CLEC16A: variants seen among roughly 807,000 people sequenced by gnomAD.
CLEC16A encodes C-type lectin domain containing 16A.
A neutral mutation model predicts 109.5 loss-of-function variants in CLEC16A; 51 were observed. That is an observed-to-expected ratio of 0.47 (90% CI 0.37 to 0.59). CLEC16A has a LOEUF of 0.59. CLEC16A is among the 20% of genes least tolerant of loss of function. The pLI, the probability that CLEC16A is intolerant of heterozygous loss-of-function variation, is 0.00. For missense variants in CLEC16A, 1,339 were observed against 1,394.0 expected, an observed-to-expected ratio of 0.96 and a Z score of 0.63; for synonymous variants, 673 against 564.2, an observed-to-expected ratio of 1.19 and a Z score of -2.73.
intron 13 of CLEC16A, chr16:11,027,413 G>T: frequency 6.9e-7 from 1 of 1,453,042 alleles, no homozygotes; most frequent in South Asian, 1.1e-5. Context: ...ATCTACAAAT[G>T]CTGCGTATAG....
At chr16:11,120,582 T>A (rs2052331041) in intron 19 of CLEC16A, 33 bp from the exon 20 acceptor site, 1 of 1,585,084 alleles carries the variant, frequency 6.3e-7, no homozygotes, top group African/African-American at 1.3e-5. Context: ...AGCCAGACTG[T>A]GCCTCATTCT....
chr16:11,079,979 C>G (rs1024701769), intron 19 of CLEC16A, among the ~76,000 whole-genome samples: 10 of 152,224 alleles, frequency 6.6e-5, no homozygotes, highest in African/African-American at 2.4e-4. Context: ...CCTGAGGTCT[C>G]CCAGGGCCCC....
At chr16:10,983,630 C>G (rs1421300717) in intron 10 of CLEC16A, among the ~76,000 whole-genome samples, 2 of 152,152 alleles carry the variant, frequency 1.3e-5, no homozygotes, top group Non-Finnish European at 2.9e-5. Flanking sequence ...GGGAAAACAC[C>G]TGATGGCCAG....
At chr16:11,008,099 G>T (rs1005702075) in intron 11 of CLEC16A, among the ~76,000 whole-genome samples, 2 of 152,224 alleles carry the variant, frequency 1.3e-5, no homozygotes, top group African/African-American at 2.4e-5. Flanking sequence ...GTCAGGGGCT[G>T]TTTGCTTCTT....
intron 15 of CLEC16A, 148 bp downstream of exon 15, chr16:11,042,511 C>T (rs1421238510): frequency 1.8e-6 from 1 of 559,608 alleles, no homozygotes; most frequent in Non-Finnish European, 3.2e-6. Flanking sequence ...TCTTGAGACC[C>T]CACTCCAACC....
rs940558560 is a variant in CLEC16A at position 11,174,302 on chromosome 16, G to A, written c.2807-4033G>A. On this transcript the variant is annotated intron_variant, in intron 23 of 23. Coordinates refer to ENST00000409790, the MANE Select transcript of CLEC16A (RefSeq NM_015226.3). The surrounding 1 kb of genome is among the most constrained non-coding windows in gnomAD (Gnocchi z 4.7). ...GGCAGGTCTCCCCTGTGAGCCGCTC[G>A]GGCCGCGACGTCCACTCGCCACGCT... The A allele has an allele frequency of 6.8e-6, 3 of 443,730 alleles. No individual in the cohort carries two copies. Among genetic ancestry groups the A allele is most frequent in the South Asian group, 1.6e-5 (1 of 63,882 alleles). 27.5% of individuals were successfully genotyped at this position (443,730 alleles called of 1,614,324 possible). A position where few individuals can be genotyped will look rare whatever the true frequency, so the allele number is the denominator to read the frequency against.
chr16:11,062,794 G>A (rs2048553930), intron 19 of CLEC16A, among the ~76,000 whole-genome samples: 1 of 151,692 alleles, frequency 6.6e-6, no homozygotes, highest in South Asian at 2.1e-4. Flanking sequence ...AATGGCCACA[G>A]GAATTTCTCT....
intron 18 of CLEC16A, among the ~76,000 whole-genome samples, chr16:11,060,403 C>G (rs1240218997): frequency 6.6e-6 from 1 of 152,344 alleles, no homozygotes; most frequent in African/African-American, 2.4e-5. Context: ...TTCTGTCTGC[C>G]CCACCCCCGT....
intron 14 of CLEC16A, 154 bp from the exon 15 acceptor site, chr16:11,042,100 T>TGG: frequency 1.7e-6 from 1 of 600,144 alleles, no homozygotes; most frequent in South Asian, 2.0e-5. Flanking sequence ...GGTTTGGGCA[T>TGG]GGGGGGTTCC....
At chr16:11,009,986 T>G (rs1183858532) in intron 11 of CLEC16A, among the ~76,000 whole-genome samples, 1 of 152,032 alleles carries the variant, frequency 6.6e-6, no homozygotes, top group Non-Finnish European at 1.5e-5. Flanking sequence ...GACCCCTGTC[T>G]GTACAAAAAA....
Position 10,983,003 on chromosome 16 carries a change from G to A in CLEC16A, c.1071+12G>A, listed in dbSNP as rs746709250. On this transcript the variant is annotated intron_variant, in intron 10 of 23. Transcript: ENST00000409790. Reference sequence around the variant, plus strand: ...TTCAGAGAAGTTCTGTAAGTCATTAGCTTCGGGACTGACCTTAACAGGAAA... The same window carrying A: ...TTCAGAGAAGTTCTGTAAGTCATTAACTTCGGGACTGACCTTAACAGGAAA... The A allele has an allele frequency of 1.4e-6, 2 of 1,417,886 alleles. No homozygotes were observed. Among genetic ancestry groups the A allele is most frequent in the Non-Finnish European group, 2.0e-6 (2 of 1,001,994 alleles). The allele number at this position is 1,417,886 out of a possible 1,614,324, so 87.8% of individuals were successfully genotyped here. A position where few individuals can be genotyped will look rare whatever the true frequency, so the allele number is the denominator to read the frequency against.
rs556640317 is a variant in CLEC16A at position 10,961,430 on chromosome 16, C to T, written c.210-1025C>T. 3.3e-5 allele frequency among the ~76,000 whole-genome samples: 5 copies of T among 152,272 alleles called. No individual in the cohort carries two copies. The East Asian group carries it at 7.7e-4, about 23-fold the overall frequency. On this transcript the variant is annotated intron_variant, in intron 2 of 23. Transcript: ENST00000409790. This position sits in a 1 kb window ranked among gnomAD's most constrained non-coding sequence, Gnocchi z 4.3. ...CAACTGAGTCAGCCCGCAGGCACAC[C>T]TCATTTCTTCCAAGTGTCCCAGATG...
intron 19 of CLEC16A, among the ~76,000 whole-genome samples, chr16:11,095,117 T>G (rs1165985036): frequency 6.6e-6 from 1 of 152,116 alleles, no homozygotes; most frequent in Non-Finnish European, 1.5e-5. Context: ...GTGGGTAGTC[T>G]TTTAAATGAC....
intron 10 of CLEC16A, among the ~76,000 whole-genome samples, chr16:10,989,864 C>T (rs556778738): frequency 6.6e-6 from 1 of 152,294 alleles, no homozygotes; most frequent in East Asian, 1.9e-4. Context: ...CTCCCCTGGT[C>T]GCTGCTGCAG....
intron 22 of CLEC16A, among the ~76,000 whole-genome samples, chr16:11,132,773 T>A (rs1331802007): frequency 3.3e-5 from 5 of 152,216 alleles, no homozygotes; most frequent in African/African-American, 1.2e-4. Context: ...CTCGTTTGTC[T>A]TGTCCTTGAC....
intron 19 of CLEC16A, among the ~76,000 whole-genome samples, chr16:11,067,487 A>G (rs1404690833): frequency 6.6e-6 from 1 of 152,030 alleles, no homozygotes; most frequent in African/African-American, 2.4e-5. Context: ...TTTGGGGAAG[A>G]TGAGAGACGG....
chr16:11,160,228 G>A (rs1156436605), intron 22 of CLEC16A, among the ~76,000 whole-genome samples: 1 of 152,142 alleles, frequency 6.6e-6, no homozygotes, highest in Admixed American at 6.5e-5. Flanking sequence ...AGGTCGGGGG[G>A]CGTCCCTGCT....
rs182491461 is a variant in CLEC16A, at chr16:11,094,157, C to T, written c.2117-26458C>T. On this transcript the variant is annotated intron_variant, in intron 19 of 23. Transcript: ENST00000409790. ...CAACCTTTCCTCCAGAGTACTTCCT[C>T]TTTTGTACAGGGCCCCTTCCCAGCC... Among the ~76,000 whole-genome samples the T allele has an allele frequency of 4.6e-5, 7 of 152,322 alleles. No individual in the cohort carries two copies. The East Asian group carries it at 1.2e-3, about 25-fold the overall frequency.
At chr16:11,117,068 A>C (rs550944972) in intron 19 of CLEC16A, among the ~76,000 whole-genome samples, 135 of 152,348 alleles carry the variant, frequency 8.9e-4, no homozygotes, top group South Asian at 2.1e-3. Context: ...AAGTGAATTG[A>C]TGTGGGAACA....
Sources: gnomAD v4.1 joint callset for allele counts (sites outside exome capture counted in the v4.1 genomes callset) on GRCh38, gnomAD v4.1.1 for gene constraint, Gnocchi (gnomAD v3.1) non-coding constraint, MANE v1.5 for transcripts, NCBI Gene and HGNC (gene_info 2026-07-23, HGNC 2026-07-21) for gene names.